BTG3: variants seen among roughly 807,000 people sequenced by gnomAD.
The protein encoded by BTG3 is BTG anti-proliferation factor 3.
BTG3 carries 4 observed loss-of-function variants against 25.8 expected under a neutral mutation model. The observed-to-expected ratio is 0.16, with a 90% CI of 0.08 to 0.36. The LOEUF (loss-of-function observed/expected upper bound fraction) is 0.36, where lower values mean the gene tolerates loss of function less well. BTG3 is among the 10% of genes least tolerant of loss of function. The pLI is 1.00. For synonymous variants in BTG3, 107 were observed against 99.9 expected (o/e 1.07, Z -0.42); for missense variants, 201 against 304.9 (o/e 0.66, Z 2.54).
chr21:17,595,090 TA>T lies in BTG3; in HGVS notation c.520-759del, dbSNP rs1202255542. On this transcript the variant is annotated intron_variant, in intron 4 of 4. Coordinates refer to ENST00000348354, the MANE Select transcript of BTG3 (RefSeq NM_006806.5). ...TAAAATCTCAGAACTAGAGGCCAGG[TA>T]TTTTGACAAAGCTCCCCAGGTGATT... Among the ~76,000 whole-genome samples the T allele has an allele frequency of 6.6e-5, 10 of 152,074 alleles. No homozygotes were observed. In the East Asian group the frequency reaches 1.9e-3, roughly 29 times the overall value.
At chr21:17,610,865 G>A (rs530212676) in intron 1 of BTG3, among the ~76,000 whole-genome samples, 100 of 152,306 alleles carry the variant, frequency 6.6e-4, no homozygotes, top group African/African-American at 2.4e-3. Flanking sequence ...TCTCTCTTCA[G>A]AATATGACTC....
intron 4 of BTG3, among the ~76,000 whole-genome samples, chr21:17,596,126 T>C (rs895591985): frequency 7.9e-5 from 12 of 152,038 alleles, no homozygotes; most frequent in African/African-American, 2.9e-4. Flanking sequence ...TATTTTTCAT[T>C]GAATCATTTA....
intron 4 of BTG3, among the ~76,000 whole-genome samples, 189 bp from the exon 5 acceptor site, chr21:17,594,521 A>G (rs1336065723): frequency 6.6e-6 from 1 of 152,066 alleles, no homozygotes; most frequent in Non-Finnish European, 1.5e-5. Flanking sequence ...ACAGGTGACC[A>G]ATGTTTTCTG....
intron 3 of BTG3, chr21:17,604,249 T>A: frequency 2.4e-6 from 1 of 412,994 alleles, no homozygotes; most frequent in South Asian, 2.5e-5. Context: ...GAGAGCAGTC[T>A]GGCCAACATG....
chr21:17,608,958 A>G lies in BTG3; in HGVS notation c.173+14T>C, dbSNP rs1275178805. 5 of 1,609,846 alleles carry G rather than the reference A, an allele frequency of 3.1e-6. No individual in the cohort carries two copies. In the South Asian group the frequency reaches 3.3e-5, roughly 11 times the overall value. On this transcript the variant is annotated intron_variant, in intron 2 of 4. Transcript: ENST00000348354. ...GGTTGATCAGCCTCTGCTTAATCCAATCTAATCCTTTACCTGTAGGCCTGT... is the reference window on the plus strand; with the variant it reads ...GGTTGATCAGCCTCTGCTTAATCCAGTCTAATCCTTTACCTGTAGGCCTGT...
At position 17,596,938 on chromosome 21, in the gene BTG3, A is replaced by G. The variant is rs191098051; in HGVS notation, c.519+1679T>C. 7.8e-4 allele frequency among the ~76,000 whole-genome samples: 119 copies of G among 152,204 alleles called. 2 individuals carry two copies. Among genetic ancestry groups the G allele is most frequent in the South Asian group, 3.5e-3 (17 of 4,828 alleles). On this transcript the variant is annotated intron_variant, in intron 4 of 4. Coordinates refer to ENST00000348354, the MANE Select transcript of BTG3 (RefSeq NM_006806.5). ...AGAGAACAAAAATTCCAAGCTAGAA[A>G]TTTTGTTGTCCTTATTTGATAAAAC...
chr21:17,599,167 A>G (rs2061540291), intron 3 of BTG3: 1 of 208,098 alleles, frequency 4.8e-6, no homozygotes, highest in Non-Finnish European at 9.6e-6. Context: ...TTGTACAATA[A>G]AACATTCTGA....
rs774040887 is a variant in BTG3 at position 17,609,039 on chromosome 21, G to A, written c.106C>T (p.Leu36=). The part of the protein sequence containing the change: ...AVERFAEKLT[L]ILQEKYKNHW... ...TTTTTATATTTTTCTTGAAGTATTA[G>A]GGTCAATTTCTCAGCAAACCTCTCA... Residue 36 remains leucine (L), a synonymous_variant, in exon 2 of 5, where the codon CTA becomes TTA. Coordinates refer to ENST00000348354, the MANE Select transcript of BTG3 (RefSeq NM_006806.5). 28 of 1,613,844 alleles carry A rather than the reference G, an allele frequency of 1.7e-5. No homozygotes were observed. The highest frequency in any genetic ancestry group is 2.3e-5 in the Non-Finnish European group (27 of 1,179,966).
At chr21:17,611,795 G>C (rs1427270655) in intron 1 of BTG3, 1 of 152,206 alleles carries the variant, frequency 6.6e-6, no homozygotes, top group Non-Finnish European at 1.5e-5. Context: ...AAAACCCAAA[G>C]GGAATCCAGA....
intron 3 of BTG3, among the ~76,000 whole-genome samples, chr21:17,602,986 C>T (rs1195448676): frequency 6.6e-6 from 1 of 151,980 alleles, no homozygotes; most frequent in Non-Finnish European, 1.5e-5. Context: ...GATTTTTTAG[C>T]TTTTTCATTT....
At chr21:17,612,000 G>A (rs937427831) in intron 1 of BTG3, 1 of 152,284 alleles carries the variant, frequency 6.6e-6, no homozygotes, top group African/African-American at 2.4e-5. Context: ...CATGAAGAGG[G>A]GAAATAATTT....
chr21:17,604,186 G>A, intron 3 of BTG3: 5 of 1,239,990 alleles, frequency 4.0e-6, no homozygotes, highest in Non-Finnish European at 5.3e-6. Flanking sequence ...GCTCACGCCT[G>A]TAATCCAGCG....
intron 4 of BTG3, 35 bp from the exon 5 acceptor site, chr21:17,594,367 G>C: frequency 6.3e-7 from 1 of 1,579,208 alleles, no homozygotes; most frequent in Non-Finnish European, 8.6e-7. Flanking sequence ...TTAATTCAAA[G>C]GAAAAAATCA....
At chr21:17,600,474 C>G (rs1339100564) in intron 3 of BTG3, among the ~76,000 whole-genome samples, 2 of 152,116 alleles carry the variant, frequency 1.3e-5, no homozygotes, top group Non-Finnish European at 2.9e-5. Context: ...ATTTCTGAAT[C>G]AGAATGGTTA....
Position 17,598,736 on chromosome 21 carries a change from C to T in BTG3, c.400G>A (p.Ala134Thr). 1 of 1,614,096 alleles carries T rather than the reference C, an allele frequency of 6.2e-7. No individual in the cohort carries two copies. Among genetic ancestry groups the T allele is most frequent in the Non-Finnish European group, 8.5e-7 (1 of 1,179,962 alleles). The stretch of plus-strand genomic sequence containing the variant: ...TAATCAGAGGTAACCTTATCAAGGG[C>T]CCTGGTAACTTTCCTGGAGATCTCA... ...KDEISRKVTR[A>T]LDKVTSDYHS... Residue 134 changes from alanine (A) to threonine (T), a missense_variant, in exon 4 of 5, where the codon GCC becomes ACC. Ala to Thr is a moderately conservative substitution (Grantham distance 58, BLOSUM62 0). Around this residue, in one of 2 missense-constraint regions of BTG3, gnomAD observed 70 missense variants for 175.7 expected, o/e 0.40. Coordinates refer to ENST00000348354, the MANE Select transcript of BTG3 (RefSeq NM_006806.5).
intron 3 of BTG3, among the ~76,000 whole-genome samples, chr21:17,603,926 T>C (rs940993113): frequency 6.6e-5 from 10 of 152,208 alleles, no homozygotes; most frequent in Non-Finnish European, 1.3e-4. Context: ...ACTTTTCTTC[T>C]CAATTTCAAA....
In BTG3 at chr21:17,594,088, C is replaced by T. The variant is rs74382701; in HGVS notation, c.*5G>A. On this transcript the variant is annotated 3_prime_UTR_variant, in exon 5 of 5. Coordinates refer to ENST00000348354, the MANE Select transcript of BTG3 (RefSeq NM_006806.5). ...AACATGACACCAACACAATCAAAAACGAAGTTAGTGAGGTGCTAACATGTG... is the reference window on the plus strand; with the variant it reads ...AACATGACACCAACACAATCAAAAATGAAGTTAGTGAGGTGCTAACATGTG... The T allele has an allele frequency of 4.9e-3, 7,825 of 1,611,422 alleles. 410 individuals carry two copies. The East Asian group carries it at 0.12, about 25-fold the overall frequency.
At chr21:17,602,158 CA>C (rs566555482) in intron 3 of BTG3, among the ~76,000 whole-genome samples, 368 of 139,538 alleles carry the variant, frequency 2.6e-3, no homozygotes, top group South Asian at 4.8e-3. Context: ...CAGAAATCAC[CA>C]AAAAAAAAAA....
At position 17,593,970 on chromosome 21, in the gene BTG3, A is replaced by C; in HGVS notation, c.*123T>G. On this transcript the variant is annotated 3_prime_UTR_variant, in exon 5 of 5. Coordinates refer to ENST00000348354, the MANE Select transcript of BTG3 (RefSeq NM_006806.5). The stretch of plus-strand genomic sequence containing the variant: ...ATTATTCTCAATAACTTCTATAAAA[A>C]TAAGTTTGATGGTTTGGCCCATCTA... 1 of 1,144,100 alleles carries C rather than the reference A, an allele frequency of 8.7e-7. No individual in the cohort carries two copies. Among genetic ancestry groups the C allele is most frequent in the South Asian group, 1.8e-5 (1 of 54,622 alleles). The allele number at this position is 1,144,100 out of a possible 1,614,324, so 70.9% of individuals were successfully genotyped here.
Sources: gnomAD v4.1 joint callset for allele counts (sites outside exome capture counted in the v4.1 genomes callset) on GRCh38, gnomAD v4.1.1 for gene constraint, gnomAD v4.1.1 regional missense constraint, MANE v1.5 for transcripts, NCBI Gene and HGNC (gene_info 2026-07-23, HGNC 2026-07-21) for gene names.